HCRTR2: variants seen among roughly 807,000 people sequenced by gnomAD.
HCRTR2 encodes the protein orexin receptor type 2.
In HCRTR2, 22 loss-of-function variants were observed where a neutral mutation model predicts 49.0. The ratio of observed to expected loss-of-function variants is 0.45; its 90% confidence interval spans 0.32 to 0.64. The LOEUF is 0.64. HCRTR2 is among the 30% of genes least tolerant of loss of function. The pLI is 0.04. For synonymous variants in HCRTR2, 236 were observed against 205.3 expected (o/e 1.15, Z -1.28); for missense variants, 491 against 559.4 (o/e 0.88, Z 1.23).
At chr6:55,140,949 A>C (rs1477667047) in intron 1 of HCRTR2, among the ~76,000 whole-genome samples, 2 of 152,148 alleles carry the variant, frequency 1.3e-5, no homozygotes, top group Non-Finnish European at 2.9e-5. Context: ...TAGAATCCCC[A>C]TGCTCTTTCG....
intron 1 of HCRTR2, among the ~76,000 whole-genome samples, chr6:55,187,020 A>G (rs536404221): frequency 3.9e-4 from 60 of 152,236 alleles, no homozygotes; most frequent in Non-Finnish European, 7.5e-4. Context: ...AATAGGAGAA[A>G]CACTAATCCC....
intron 1 of HCRTR2, among the ~76,000 whole-genome samples, chr6:55,165,366 T>A (rs1001256937): frequency 1.3e-5 from 2 of 152,068 alleles, no homozygotes; most frequent in African/African-American, 4.8e-5. Context: ...ATAACTGAAC[T>A]CTCATTCAAT....
At position 55,187,687 on chromosome 6, in the gene HCRTR2, T is replaced by TTA. The variant is rs1765245766; in HGVS notation, c.223+12878_223+12879insAT. 2.0e-5 allele frequency among the ~76,000 whole-genome samples: 3 copies of TTA among 146,878 alleles called. No individual in the cohort carries two copies. In the South Asian group the frequency reaches 6.4e-4, roughly 31 times the overall value. On this transcript the variant is annotated intron_variant, in intron 1 of 6. Transcript: ENST00000370862. ...TGATAGGGCTATTATTTGATCTTTT[T>TTA]TTTTTTTTTTTTTTTTTACAGGTAG... is the stretch of plus-strand genomic sequence containing the variant.
chr6:55,144,298 T>G (rs557038106), intron 1 of HCRTR2, among the ~76,000 whole-genome samples: 21 of 151,990 alleles, frequency 1.4e-4, no homozygotes, highest in Non-Finnish European at 2.1e-4. Flanking sequence ...TTTTTTTTAG[T>G]AGGGACGGGG....
intron 4 of HCRTR2, among the ~76,000 whole-genome samples, chr6:55,275,109 C>G (rs1394898026): frequency 6.6e-6 from 1 of 152,090 alleles, no homozygotes; most frequent in Non-Finnish European, 1.5e-5. Flanking sequence ...TTGCCTCTTC[C>G]TCATAACTTT....
At chr6:55,131,395 C>T (rs112269222) in intron 1 of HCRTR2, among the ~76,000 whole-genome samples, 4,677 of 151,688 alleles carry the variant, frequency 0.031, 101 homozygotes, top group Middle Eastern at 0.067. Context: ...TCAGAAGGTC[C>T]AAAGATGATT....
At chr6:55,278,501 G>A (rs560470954) in intron 5 of HCRTR2, among the ~76,000 whole-genome samples, 6 of 152,034 alleles carry the variant, frequency 3.9e-5, no homozygotes, top group Non-Finnish European at 7.4e-5. Flanking sequence ...ATAATCAGCC[G>A]CAAAGGGTTC....
chr6:55,220,872 C>T (rs889437687), intron 1 of HCRTR2, among the ~76,000 whole-genome samples: 3 of 151,932 alleles, frequency 2.0e-5, no homozygotes, highest in East Asian at 1.9e-4. Flanking sequence ...AACATAAAAT[C>T]GAAATGCAAA....
intron 1 of HCRTR2, among the ~76,000 whole-genome samples, chr6:55,192,406 C>CGT (rs1201902225): frequency 2.5e-3 from 180 of 73,290 alleles, no homozygotes; most frequent in Non-Finnish European, 2.7e-3. Flanking sequence ...CACACACGCG[C>CGT]GCGCGCGCAC....
At chr6:55,202,473 A>G (rs1429383661) in intron 1 of HCRTR2, among the ~76,000 whole-genome samples, 1 of 152,216 alleles carries the variant, frequency 6.6e-6, no homozygotes, top group African/African-American at 2.4e-5. Context: ...CTGCTCTAAC[A>G]CAATACCATA....
At chr6:55,261,114 G>T (rs951687318) in intron 3 of HCRTR2, among the ~76,000 whole-genome samples, 1 of 152,154 alleles carries the variant, frequency 6.6e-6, no homozygotes, top group Admixed American at 6.6e-5. Flanking sequence ...AATATCTATG[G>T]AATCTATGCA....
chr6:55,211,086 G>A (rs566965174), intron 1 of HCRTR2, among the ~76,000 whole-genome samples: 4 of 152,092 alleles, frequency 2.6e-5, no homozygotes, highest in Non-Finnish European at 4.4e-5. Flanking sequence ...CAGGTTTATA[G>A]CCTAGGAGCA....
intron 1 of HCRTR2, among the ~76,000 whole-genome samples, chr6:55,108,182 T>A (rs1413710330): frequency 6.6e-6 from 1 of 152,116 alleles, no homozygotes; most frequent in African/African-American, 2.4e-5. Flanking sequence ...TGAAGGCAAC[T>A]TTTTTTATTG....
At chr6:55,231,746 G>A (rs1046184101) in intron 1 of HCRTR2, among the ~76,000 whole-genome samples, 4 of 152,152 alleles carry the variant, frequency 2.6e-5, no homozygotes, top group Admixed American at 1.3e-4. Flanking sequence ...AAAGACTAGC[G>A]AATATGAGCT....
rs571925897 is a variant in HCRTR2 at position 55,164,554 on chromosome 6, C to T, written c.-377-9657C>T. Among the ~76,000 whole-genome samples, 444 of 152,238 alleles carry T rather than the reference C, an allele frequency of 2.9e-3. 4 individuals are homozygous for T. Among genetic ancestry groups the T allele is most frequent in the African/African-American group, 0.01 (419 of 41,542 alleles). On this transcript the variant is annotated intron_variant, in intron 1 of 7. Transcript: ENST00000615358. The stretch of plus-strand genomic sequence containing the variant: ...AAACCAAACACCACATATTCTCACT[C>T]ATAAGTGGGAGTTGAACAATGAGAA...
intron 1 of HCRTR2, among the ~76,000 whole-genome samples, chr6:55,213,066 C>T (rs759176226): frequency 6.7e-6 from 1 of 148,392 alleles, no homozygotes; most frequent in Non-Finnish European, 1.5e-5. Flanking sequence ...AGTAAGAGTA[C>T]ATGAAAAAAA....
At chr6:55,276,519 T>C (rs1581873450) in intron 4 of HCRTR2, among the ~76,000 whole-genome samples, 1 of 152,204 alleles carries the variant, frequency 6.6e-6, no homozygotes, top group African/African-American at 2.4e-5. Context: ...CTTGTGTTTG[T>C]TGGCACATTT....
intron 1 of HCRTR2, among the ~76,000 whole-genome samples, chr6:55,129,142 T>C (rs572058930): frequency 1.3e-5 from 2 of 152,286 alleles, no homozygotes; most frequent in African/African-American, 4.8e-5. Context: ...AATTATGCAA[T>C]TTAATCAACT....
intron 1 of HCRTR2, among the ~76,000 whole-genome samples, chr6:55,226,867 C>T (rs952536385): frequency 7.9e-5 from 12 of 151,384 alleles, no homozygotes; most frequent in Admixed American, 5.3e-4. Context: ...TACAGGTGCC[C>T]GCCACCACGC....
Sources: gnomAD v4.1 joint callset for allele counts (sites outside exome capture counted in the v4.1 genomes callset) on GRCh38, gnomAD v4.1.1 for gene constraint, MANE v1.5 for transcripts, NCBI Gene and HGNC (gene_info 2026-07-23, HGNC 2026-07-21) for gene names.